The following MGAT5 variants were observed in gnomAD, a reference collection of about 807,000 sequenced individuals.
MGAT5 encodes the protein alpha-1,6-mannosylglycoprotein 6-beta-N-acetylglucosaminyltransferase, also known as alpha-1,6-mannosylglycoprotein 6-beta-N-acetylglucosaminyltransferase A.
A neutral mutation model predicts 94.3 loss-of-function variants in MGAT5; 30 were observed. The observed-to-expected ratio is 0.32, with a 90% confidence interval of 0.24 to 0.43. The LOEUF is 0.43. MGAT5 is among the 20% of genes least tolerant of loss of function. The pLI is 1.00. For synonymous variants in MGAT5, 310 were observed against 322.9 expected, an observed-to-expected ratio of 0.96 and a Z score of 0.43; for missense variants, 691 against 905.5, an observed-to-expected ratio of 0.76 and a Z score of 3.04.
In MGAT5 at chr2:134,268,175, A is replaced by G. The variant is rs527943827; in HGVS notation, c.242-2211A>G. Among the ~76,000 whole-genome samples, 1 of 152,340 alleles carries G rather than the reference A, an allele frequency of 6.6e-6. No homozygotes were observed. Among genetic ancestry groups the G allele is most frequent in the East Asian group, 1.9e-4 (1 of 5,184 alleles). ...CAAAGTGTCAGTAGTGCCGAGGTTG[A>G]GAAATCCTGAGTTAAGTCACACTAG... On this transcript the variant is annotated intron_variant, in intron 1 of 15. Coordinates refer to ENST00000281923, the MANE Select transcript of MGAT5 (RefSeq NM_002410.5). The surrounding 1 kb of genome is among the most constrained non-coding windows in gnomAD (Gnocchi z 4.1).
Position 134,449,202 on chromosome 2 carries a change from A to T in MGAT5, c.*355A>T, listed in dbSNP as rs893775792. 1 of 198,280 alleles carries T rather than the reference A, an allele frequency of 5.0e-6. No individual in the cohort carries two copies. 12.3% of individuals were successfully genotyped at this position (198,280 alleles called of 1,614,324 possible). On this transcript the variant is annotated 3_prime_UTR_variant, in exon 16 of 16. Transcript: ENST00000281923. ...GGAGGAATTGAGCTGATGGGAAAGA[A>T]CTCTGAATGGGAATATTCCTAAACC...
At chr2:134,398,376 G>T (rs1248580035) in intron 10 of MGAT5, among the ~76,000 whole-genome samples, 1 of 152,190 alleles carries the variant, frequency 6.6e-6, no homozygotes, top group Non-Finnish European at 1.5e-5. Flanking sequence ...TCCCAGGGAG[G>T]ACTACTGCTG....
At chr2:134,226,729 A>G (rs984326200) in intron 1 of MGAT5, among the ~76,000 whole-genome samples, 4 of 152,186 alleles carry the variant, frequency 2.6e-5, no homozygotes, top group African/African-American at 9.6e-5. Context: ...GTTCCTGGGA[A>G]CTGTATGCTA....
At chr2:134,421,595 AT>A (rs1437890072) in intron 12 of MGAT5, among the ~76,000 whole-genome samples, 6 of 151,606 alleles carry the variant, frequency 4.0e-5, no homozygotes, top group African/African-American at 1.5e-4. Flanking sequence ...AAAAAAAAAA[AT>A]AAAAAACTAG....
chr2:134,127,329 T>C (rs1685887557), intron 1 of MGAT5: 1 of 154,404 alleles, frequency 6.5e-6, no homozygotes, highest in African/African-American at 2.4e-5. Context: ...ATTTGATTTT[T>C]AGCTATTATG....
At chr2:134,275,232 C>A (rs1485802075) in intron 2 of MGAT5, among the ~76,000 whole-genome samples, 1 of 152,136 alleles carries the variant, frequency 6.6e-6, no homozygotes, top group African/African-American at 2.4e-5. Context: ...TTGCAGGTGG[C>A]TTCCTATTAA....
chr2:134,240,128 A>G (rs1203894186), intron 1 of MGAT5, among the ~76,000 whole-genome samples: 1 of 152,220 alleles, frequency 6.6e-6, no homozygotes. Flanking sequence ...ACATGTTTAC[A>G]GTAAACCCAA....
chr2:134,129,161 GA>G (rs1160264702), intron 1 of MGAT5, among the ~76,000 whole-genome samples: 1 of 152,200 alleles, frequency 6.6e-6, no homozygotes, highest in Non-Finnish European at 1.5e-5. Context: ...GGCTTGAAGG[GA>G]GAATCGGTCT....
chr2:134,382,914 T>C (rs1681724111), intron 10 of MGAT5, among the ~76,000 whole-genome samples: 1 of 152,246 alleles, frequency 6.6e-6, no homozygotes, highest in South Asian at 2.1e-4. Context: ...TTATGTAGTA[T>C]CATTAACACA....
chr2:134,196,766 G>A (rs766728865), intron 1 of MGAT5, among the ~76,000 whole-genome samples: 1 of 152,176 alleles, frequency 6.6e-6, no homozygotes, highest in Non-Finnish European at 1.5e-5. Context: ...TAGCTCATCA[G>A]GTTTCCTTAC....
At chr2:134,170,317 G>A (rs943324177) in intron 1 of MGAT5, among the ~76,000 whole-genome samples, 2 of 152,172 alleles carry the variant, frequency 1.3e-5, no homozygotes, top group African/African-American at 4.8e-5. Context: ...TCAGACACAT[G>A]CTAGTTTAAA....
intron 1 of MGAT5, among the ~76,000 whole-genome samples, chr2:134,189,606 T>TGTTTTGTTTTG (rs1399203387): frequency 9.2e-5 from 10 of 108,562 alleles, no homozygotes; most frequent in African/African-American, 1.5e-4. Flanking sequence ...TTTTTTGTTT[T>TGTTTTGTTTTG]TTTTTTTTTT....
intron 10 of MGAT5, among the ~76,000 whole-genome samples, chr2:134,396,416 G>A (rs1030425087): frequency 1.3e-5 from 2 of 152,252 alleles, no homozygotes; most frequent in East Asian, 3.9e-4. Flanking sequence ...AGATGAGGTA[G>A]TTTCTTTTTG....
At chr2:134,294,603 GAATA>G (rs1030417371) in intron 2 of MGAT5, among the ~76,000 whole-genome samples, 21 of 152,262 alleles carry the variant, frequency 1.4e-4, no homozygotes, top group Admixed American at 1.1e-3. Context: ...GTCTAATTAA[GAATA>G]AATAGTAACT....
At chr2:134,230,608 CTA>C (rs1299291279) in intron 1 of MGAT5, among the ~76,000 whole-genome samples, 1 of 152,096 alleles carries the variant, frequency 6.6e-6, no homozygotes, top group Admixed American at 6.5e-5. Context: ...TACCCCTTGA[CTA>C]TGTACAATTA....
At chr2:134,384,726 A>G (rs570018878) in intron 10 of MGAT5, among the ~76,000 whole-genome samples, 2 of 152,370 alleles carry the variant, frequency 1.3e-5, no homozygotes, top group African/African-American at 2.4e-5. Context: ...GATAGAATTT[A>G]TGATAAAAGT....
chr2:134,318,894 G>A (rs1687163217), intron 4 of MGAT5, among the ~76,000 whole-genome samples, 155 bp downstream of exon 4: 1 of 152,170 alleles, frequency 6.6e-6, no homozygotes. Context: ...CTCCAGGAAT[G>A]ATGTTTTTCT....
Position 134,257,836 on chromosome 2 carries a change from C to CCTTTTTTTTTTTTTT in MGAT5, c.241+3192_241+3193insCTTTTTTTTTTTTTT, listed in dbSNP as rs781189819. On this transcript the variant is annotated intron_variant, in intron 1 of 15. Coordinates refer to ENST00000281923, the MANE Select transcript of MGAT5 (RefSeq NM_002410.5). ...TGCATAGGCCATTAGTTTGCAGTCT[C>CCTTTTTTTTTTTTTT]TTTTTTTTTTTTTTTTTTTGCCATA... 1.7e-4 allele frequency among the ~76,000 whole-genome samples: 18 copies of CCTTTTTTTTTTTTTT among 106,414 alleles called. 7 individuals are homozygous for CCTTTTTTTTTTTTTT. The highest frequency in any genetic ancestry group is 1.8e-4 in the Non-Finnish European group (10 of 54,240). 69.8% of individuals were successfully genotyped at this position (106,414 alleles called of 152,430 possible). A position where few individuals can be genotyped will look rare whatever the true frequency, so the allele number is the denominator to read the frequency against.
chr2:134,172,637 C>T lies in MGAT5; in HGVS notation c.-143+52346C>T, dbSNP rs7601921. ...TCCTGACCTCGTGATTCTCCCGCCT[C>T]GACCTCCCAAAGTGCTGGGATTACA... is the stretch of plus-strand genomic sequence containing the variant. On this transcript the variant is annotated intron_variant, in intron 1 of 16. Coordinates refer to the MGAT5 transcript ENST00000409645. Among the ~76,000 whole-genome samples, 3,501 of 152,252 alleles carry T rather than the reference C, an allele frequency of 0.023. 211 individuals carry two copies. In the East Asian group the frequency reaches 0.24, roughly 11 times the overall value.
Sources: allele counts gnomAD v4.1 joint callset (sites outside exome capture counted in the v4.1 genomes callset), GRCh38; gene constraint gnomAD v4.1.1; non-coding constraint Gnocchi (gnomAD v3.1); transcripts MANE v1.5; gene names NCBI Gene and HGNC (gene_info 2026-07-23, HGNC 2026-07-21).